SYNJ2: variants seen among roughly 807,000 people sequenced by gnomAD.
SYNJ2 encodes the protein synaptojanin 2, also known as polyphosphatidylinositol phosphatase SYNJ2.
Under a neutral mutation model 141.3 loss-of-function variants are expected in SYNJ2, and 116 were observed. The observed-to-expected ratio is 0.82, with a 90% CI of 0.71 to 0.96. The LOEUF (loss-of-function observed/expected upper bound fraction) is 0.96, where lower values mean the gene tolerates loss of function less well. Among genes scored for constraint, SYNJ2 ranks in the 40% least tolerant of loss-of-function variants. SYNJ2 has a pLI of 0.00. For synonymous variants in SYNJ2, 745 were observed against 777.7 expected, an observed-to-expected ratio of 0.96 and a Z score of 0.70; for missense variants, 1,873 against 1,934.8, an observed-to-expected ratio of 0.97 and a Z score of 0.60.
intron 5 of SYNJ2, among the ~76,000 whole-genome samples, chr6:158,051,585 C>G (rs1780568653): frequency 6.6e-6 from 1 of 152,020 alleles, no homozygotes; most frequent in South Asian, 2.1e-4. Flanking sequence ...TCATTTTGCA[C>G]TCACTTCACT....
rs1392220640 is a variant in SYNJ2 at position 157,982,685 on chromosome 6, T to A, written c.127+597T>A. 6.6e-6 allele frequency among the ~76,000 whole-genome samples: 1 copy of A among 152,234 alleles called. No homozygotes were observed. Among genetic ancestry groups the A allele is most frequent in the African/African-American group, 2.4e-5 (1 of 41,466 alleles). On this transcript the variant is annotated intron_variant, in intron 1 of 26. Coordinates refer to ENST00000355585, the MANE Select transcript of SYNJ2 (RefSeq NM_003898.4). The surrounding 1 kb of genome is among the most constrained non-coding windows in gnomAD (Gnocchi z 4.0). ...AAGCCAGCGAATTTCACCTATGGAC[T>A]TCAGAAGCCTTGAAACTGGCATTGT...
intron 16 of SYNJ2, 128 bp from the exon 17 acceptor site, chr6:158,076,498 T>C (rs535980174): frequency 9.1e-7 from 1 of 1,102,406 alleles, no homozygotes; most frequent in South Asian, 1.6e-5. Flanking sequence ...TTCAGATAGA[T>C]TTTCAAATGT....
At chr6:158,038,405 G>A (rs1441072438) in intron 4 of SYNJ2, among the ~76,000 whole-genome samples, 3 of 152,196 alleles carry the variant, frequency 2.0e-5, no homozygotes, top group Non-Finnish European at 4.4e-5. Flanking sequence ...CCCACCTAGA[G>A]AGCATAACTT....
At chr6:158,006,432 G>A (rs1778073298) in intron 1 of SYNJ2, among the ~76,000 whole-genome samples, 1 of 152,144 alleles carries the variant, frequency 6.6e-6, no homozygotes, top group Admixed American at 6.6e-5. Context: ...AGATGCAGAA[G>A]CAGCCTCTGA....
chr6:158,046,877 T>C (rs1392886499), intron 5 of SYNJ2, among the ~76,000 whole-genome samples: 1 of 151,452 alleles, frequency 6.6e-6, no homozygotes, highest in East Asian at 1.9e-4. Context: ...GCTCCCCTGG[T>C]CATTGTAGAA....
At chr6:158,080,336 A>G (rs6913272) in intron 18 of SYNJ2, among the ~76,000 whole-genome samples, 83,586 of 151,796 alleles carry the variant, frequency 0.55, 23,650 homozygotes, top group African/African-American at 0.68. Flanking sequence ...TTAGCTGGTC[A>G]TGGTGGCATG....
At position 158,064,684 on chromosome 6, in the gene SYNJ2, GTC is replaced by G; in HGVS notation, c.1297_1298del (p.Leu433GlufsTer86). 1 of 1,614,112 alleles carries G rather than the reference GTC, an allele frequency of 6.2e-7. No homozygotes were observed. The highest frequency in any genetic ancestry group is 2.2e-5 in the East Asian group (1 of 44,882). On this transcript the variant is annotated frameshift_variant, in exon 10 of 27. Transcript: ENST00000355585. LOFTEE classifies it high-confidence loss of function. The stretch of plus-strand genomic sequence containing the variant: ...TTGTGGAGTCCTTCAAAGCCATGTG[GTC>G]TCTGAATGGCCACAGCCTGAGCAAG... The part of the protein sequence containing the change: ...RFVESFKAMW[S>X]LNGHSLSKVF...
rs142436348 is a variant in SYNJ2, at chr6:158,092,951, C to T, written c.3591C>T (p.Ala1197=). The T allele has an allele frequency of 9.4e-5, 150 of 1,596,886 alleles. No homozygotes were observed. The highest frequency in any genetic ancestry group is 7.4e-4 in the East Asian group (33 of 44,720). Reference sequence around the variant, plus strand: ...GTGCCTCCGAAGAAGCCCTAAGTGCCGTGGCCCCAAGGGACCTTGAAGCAT... The same window carrying T: ...GTGCCTCCGAAGAAGCCCTAAGTGCTGTGGCCCCAAGGGACCTTGAAGCAT... ...RGGASEEALS[A]VAPRDLEASS... The change falls in exon 26 of 27, where the codon GCC becomes GCT. Residue 1197 remains alanine, a synonymous_variant. Coordinates refer to ENST00000355585, the MANE Select transcript of SYNJ2 (RefSeq NM_003898.4).
At position 158,060,077 on chromosome 6, in the gene SYNJ2, C is replaced by T. The variant is rs540098699; in HGVS notation, c.954+724C>T. Among the ~76,000 whole-genome samples the T allele has an allele frequency of 5.7e-4, 87 of 152,314 alleles. 1 individual carries two copies. The South Asian group carries it at 8.1e-3, about 14-fold the overall frequency. On this transcript the variant is annotated intron_variant, in intron 7 of 26. Coordinates refer to ENST00000355585, the MANE Select transcript of SYNJ2 (RefSeq NM_003898.4). ...GAGTTCCCCCAGCCCCACAGGGCACCCGGCCTCAGGGCTCAGGAGCAGGAA... is the reference window on the plus strand; with the variant it reads ...GAGTTCCCCCAGCCCCACAGGGCACTCGGCCTCAGGGCTCAGGAGCAGGAA...
intron 2 of SYNJ2, among the ~76,000 whole-genome samples, chr6:158,023,108 C>T (rs1306309598): frequency 6.6e-6 from 1 of 151,872 alleles, no homozygotes; most frequent in African/African-American, 2.4e-5. Flanking sequence ...ATCTACAGCA[C>T]CATGCCAGGA....
At chr6:158,017,110 TGGGTGGGAAGCCAGCTTGGCAAGCC>T in intron 1 of SYNJ2, 69 bp from the exon 2 acceptor site, 4 of 1,487,640 alleles carry the variant, frequency 2.7e-6, no homozygotes, top group Non-Finnish European at 3.6e-6. Flanking sequence ...CTTTTTGGAG[TGGGTGGGAAGCCAGCTTGGCAAGCC>T]GGGTGTGAAT....
intron 2 of SYNJ2, among the ~76,000 whole-genome samples, chr6:158,025,835 T>G (rs1779012209): frequency 6.6e-6 from 1 of 151,804 alleles, no homozygotes; most frequent in South Asian, 2.1e-4. Flanking sequence ...GCTTGTAATC[T>G]CAGTTACTCC....
Position 158,074,589 on chromosome 6 carries a change from G to A in SYNJ2, c.2143G>A (p.Val715Ile). Residue 715 changes from valine to isoleucine, a missense_variant, in exon 16 of 27, where the codon GTT (valine) becomes ATT (isoleucine). Transcript: ENST00000355585. ...TTTCTTTTCAACTTAGGGGAGAAATGTTTTTTCTCATGATTATGTATTTTG... is the reference window on the plus strand; with the variant it reads ...TTTCTTTTCAACTTAGGGGAGAAATATTTTTTCTCATGATTATGTATTTTG... ...QKLCFPMGRNVFSHDYVFWCG... is the reference protein window; with the variant it reads ...QKLCFPMGRNIFSHDYVFWCG... 1 of 1,611,784 alleles carries A rather than the reference G, an allele frequency of 6.2e-7. No individual in the cohort carries two copies. The highest frequency in any genetic ancestry group is 1.3e-5 in the African/African-American group (1 of 74,890).
chr6:158,005,397 C>T (rs1583305064), intron 1 of SYNJ2, among the ~76,000 whole-genome samples: 1 of 152,160 alleles, frequency 6.6e-6, no homozygotes, highest in East Asian at 1.9e-4. Context: ...TTTGACCCCA[C>T]TGGGATGGCG....
At chr6:158,094,550 G>C (rs755711198) in intron 26 of SYNJ2, among the ~76,000 whole-genome samples, 1 of 152,180 alleles carries the variant, frequency 6.6e-6, no homozygotes. Flanking sequence ...TGGAACCATT[G>C]TAAGTCGGGG....
intron 1 of SYNJ2, among the ~76,000 whole-genome samples, chr6:158,010,008 C>T (rs1047395087): frequency 1.3e-5 from 2 of 152,224 alleles, no homozygotes; most frequent in African/African-American, 2.4e-5. Context: ...TCTTGACCTC[C>T]TGGGCTCAAG....
intron 12 of SYNJ2, chr6:158,067,421 A>G: frequency 1.0e-6 from 1 of 984,526 alleles, no homozygotes; most frequent in Non-Finnish European, 1.2e-6. Flanking sequence ...TTCATGTGCT[A>G]TTTAGGAATA....
chr6:157,988,475 A>G (rs1777291295), intron 1 of SYNJ2, among the ~76,000 whole-genome samples: 3 of 152,086 alleles, frequency 2.0e-5, no homozygotes, highest in Admixed American at 2.0e-4. Flanking sequence ...ACTCATGAGT[A>G]CTCTGGCCCC....
At chr6:157,990,177 TGCCCCAGGCCCAG>T (rs537373891) in intron 1 of SYNJ2, among the ~76,000 whole-genome samples, 185 of 152,306 alleles carry the variant, frequency 1.2e-3, no homozygotes, top group African/African-American at 4.0e-3. Flanking sequence ...CTTGTGCTTG[TGCCCCAGGCCCAG>T]GCCGCAGGAG....
Sources: gnomAD v4.1 joint callset for allele counts (sites outside exome capture counted in the v4.1 genomes callset) on GRCh38, gnomAD v4.1.1 for gene constraint, Gnocchi (gnomAD v3.1) non-coding constraint, MANE v1.5 for transcripts, NCBI Gene and HGNC (gene_info 2026-07-23, HGNC 2026-07-21) for gene names.